MYO18B: variants seen among roughly 807,000 people sequenced by gnomAD.
MYO18B encodes unconventional myosin-XVIIIb.
Under a neutral mutation model 273.0 loss-of-function variants are expected in MYO18B, and 204 were observed. That is an observed-to-expected ratio of 0.75 (90% CI 0.67 to 0.84). MYO18B has a LOEUF of 0.84. Ranked by LOEUF, MYO18B falls within the 40% of genes least tolerant of loss-of-function variation. The pLI is 0.00. For missense variants in MYO18B, 3,212 were observed against 3,287.6 expected, an observed-to-expected ratio of 0.98 and a Z score of 0.56; for synonymous variants, 1,330 against 1,305.7, an observed-to-expected ratio of 1.02 and a Z score of -0.40.
At chr22:25,982,018 G>T (rs945148919) in intron 39 of MYO18B, among the ~76,000 whole-genome samples, 4 of 152,188 alleles carry the variant, frequency 2.6e-5, no homozygotes, top group African/African-American at 9.7e-5. Flanking sequence ...AGAAGTTGAA[G>T]GGGAAGCAGG....
At chr22:25,826,376 A>G in intron 13 of MYO18B, 33 bp from the exon 14 acceptor site, 1 of 1,573,996 alleles carries the variant, frequency 6.4e-7, no homozygotes. Flanking sequence ...CAAGATCCCT[A>G]ACCAAGAATG....
intron 8 of MYO18B, 55 bp from the exon 9 acceptor site, chr22:25,780,001 G>A (rs747884885): frequency 4.2e-5 from 63 of 1,505,422 alleles, no homozygotes; most frequent in Non-Finnish European, 5.5e-5. Context: ...GTGTGAGGTG[G>A]CAGTGGCAGC....
chr22:25,882,212 A>G (rs1168445873), intron 25 of MYO18B, among the ~76,000 whole-genome samples: 1 of 125,360 alleles, frequency 8.0e-6, no homozygotes, highest in Non-Finnish European at 1.6e-5. Flanking sequence ...CTGTTCGTCA[A>G]ATAATCCCAG....
At chr22:25,774,609 A>T (rs137902023) in intron 7 of MYO18B, among the ~76,000 whole-genome samples, 4 of 152,140 alleles carry the variant, frequency 2.6e-5, no homozygotes, top group African/African-American at 7.2e-5. Flanking sequence ...CCTTCCCTCA[A>T]GTCTTCCAGC....
intron 12 of MYO18B, among the ~76,000 whole-genome samples, chr22:25,801,574 G>A (rs2088196844): frequency 6.6e-6 from 1 of 152,126 alleles, no homozygotes; most frequent in Non-Finnish European, 1.5e-5. Flanking sequence ...TCCTGGCGGG[G>A]TGTTTCATAA....
intron 25 of MYO18B, among the ~76,000 whole-genome samples, chr22:25,881,284 A>C (rs1468984365): frequency 6.6e-6 from 1 of 152,248 alleles, no homozygotes; most frequent in African/African-American, 2.4e-5. Flanking sequence ...TGCTCCTTGC[A>C]GGAAGGACCA....
intron 25 of MYO18B, among the ~76,000 whole-genome samples, chr22:25,882,650 G>T (rs1310856547): frequency 1.3e-5 from 2 of 152,282 alleles, no homozygotes; most frequent in African/African-American, 4.8e-5. Flanking sequence ...GTATTATGAT[G>T]ACTTTATCTT....
intron 25 of MYO18B, 29 bp downstream of exon 25, chr22:25,878,077 G>GT (rs761725033): frequency 6.5e-7 from 1 of 1,527,334 alleles, no homozygotes; most frequent in Non-Finnish European, 8.9e-7. Flanking sequence ...TTGGGTCCTT[G>GT]TGGGGGGTCT....
chr22:25,975,935 G>T (rs1877827510), intron 39 of MYO18B, among the ~76,000 whole-genome samples: 1 of 152,156 alleles, frequency 6.6e-6, no homozygotes. Context: ...GCAAACAGTG[G>T]TTTGTCCTAG....
intron 17 of MYO18B, among the ~76,000 whole-genome samples, chr22:25,836,683 G>A (rs1210324188): frequency 1.6e-4 from 25 of 152,096 alleles, no homozygotes; most frequent in Non-Finnish European, 5.9e-5. Flanking sequence ...TGTAGTGGCC[G>A]GGCGCAGTGG....
chr22:26,011,526 A>G (rs914564281), intron 42 of MYO18B, among the ~76,000 whole-genome samples: 2 of 152,240 alleles, frequency 1.3e-5, no homozygotes, highest in African/African-American at 4.8e-5. Context: ...GGGAAGCTGA[A>G]TGAACTACAG....
chr22:25,859,560 C>G (rs539047465), intron 21 of MYO18B, among the ~76,000 whole-genome samples: 6 of 152,134 alleles, frequency 3.9e-5, no homozygotes, highest in Admixed American at 3.9e-4. Flanking sequence ...CTTTTTGATT[C>G]AAGCCATTCT....
chr22:25,762,009 G>T (rs1252716259), intron 2 of MYO18B, among the ~76,000 whole-genome samples: 1 of 152,010 alleles, frequency 6.6e-6, no homozygotes, highest in Admixed American at 6.6e-5. Context: ...TGTCATCCCA[G>T]CTACTCAGGA....
chr22:25,781,695 C>T, intron 9 of MYO18B, 39 bp from the exon 10 acceptor site: 2 of 1,425,868 alleles, frequency 1.4e-6, no homozygotes, highest in South Asian at 1.5e-5. Flanking sequence ...GCAGATGTAC[C>T]CAAAGCACTG....
At chr22:25,753,792 G>A (rs1441113771) in intron 1 of MYO18B, among the ~76,000 whole-genome samples, 1 of 152,204 alleles carries the variant, frequency 6.6e-6, no homozygotes, top group East Asian at 1.9e-4. Flanking sequence ...TGAGAAGGAA[G>A]AAACTCCAGA....
chr22:25,862,227 G>A (rs966861743), intron 21 of MYO18B, among the ~76,000 whole-genome samples: 2 of 151,946 alleles, frequency 1.3e-5, no homozygotes, highest in Non-Finnish European at 2.9e-5. Flanking sequence ...ATCCTTTGGC[G>A]GTCCTGGAAC....
chr22:26,032,397 A>G (rs573794727), downstream of MYO18B, among the ~76,000 whole-genome samples: 2 of 151,838 alleles, frequency 1.3e-5, no homozygotes, highest in South Asian at 2.1e-4. Context: ...GTGTCTTCAC[A>G]TGGTCTTTCT....
chr22:25,992,148 C>G (rs2093276650), intron 39 of MYO18B, among the ~76,000 whole-genome samples: 1 of 152,226 alleles, frequency 6.6e-6, no homozygotes, highest in Admixed American at 6.5e-5. Context: ...GTGCCATGCC[C>G]TGGAGTATCT....
At chr22:26,061,854 C>A in the MYO18B span, among the ~76,000 whole-genome samples, 418 of 151,300 alleles carry the variant, frequency 2.8e-3, 11 homozygotes, top group Admixed American at 0.024. Context: ...CCTTCCTAGC[C>A]CATCATTTTT....
Sources: allele counts gnomAD v4.1 joint callset (sites outside exome capture counted in the v4.1 genomes callset), GRCh38; gene constraint gnomAD v4.1.1; transcripts MANE v1.5; gene names NCBI Gene and HGNC (gene_info 2026-07-23, HGNC 2026-07-21).